Variants in SORCS3 observed in about 807,000 individuals in gnomAD.
SORCS3 encodes the protein VPS10 domain-containing receptor SorCS3.
A neutral mutation model predicts 146.3 loss-of-function variants in SORCS3; 57 were observed. The ratio of observed to expected loss-of-function variants is 0.39; its 90% CI spans 0.31 to 0.49. The LOEUF (loss-of-function observed/expected upper bound fraction) is 0.49. Ranked by LOEUF, SORCS3 falls within the 20% of genes least tolerant of loss-of-function variation. The pLI, the probability that SORCS3 is intolerant of heterozygous loss-of-function variation, is 0.92. For missense variants in SORCS3, 1,341 were observed against 1,575.5 expected, an observed-to-expected ratio of 0.85 and a Z score of 2.52; for synonymous variants, 653 against 618.5, an observed-to-expected ratio of 1.06 and a Z score of -0.83.
At chr10:104,957,880 CA>C (rs1459830842) in intron 3 of SORCS3, among the ~76,000 whole-genome samples, 1 of 151,970 alleles carries the variant, frequency 6.6e-6, no homozygotes, top group Non-Finnish European at 1.5e-5. Context: ...AGAAGGGAAG[CA>C]AAACCAAACA....
At chr10:105,216,430 C>T (rs949303531) in intron 18 of SORCS3, among the ~76,000 whole-genome samples, 1 of 152,090 alleles carries the variant, frequency 6.6e-6, no homozygotes, top group African/African-American at 2.4e-5. Context: ...GGAACCTGGT[C>T]TTCCTGTACT....
At chr10:105,053,062 G>A (rs2055423701) in intron 5 of SORCS3, among the ~76,000 whole-genome samples, 1 of 151,998 alleles carries the variant, frequency 6.6e-6, no homozygotes, top group South Asian at 2.1e-4. Flanking sequence ...GGTTGCAGAG[G>A]GCCACCTTCT....
At chr10:105,104,354 C>A (rs1284818519) in intron 6 of SORCS3, among the ~76,000 whole-genome samples, 1 of 152,054 alleles carries the variant, frequency 6.6e-6, no homozygotes, top group Non-Finnish European at 1.5e-5. Context: ...AGAGACTCAC[C>A]TGTAGTTTTT....
intron 5 of SORCS3, among the ~76,000 whole-genome samples, chr10:105,057,493 C>G (rs1474255270): frequency 6.6e-6 from 1 of 152,142 alleles, no homozygotes; most frequent in Non-Finnish European, 1.5e-5. Flanking sequence ...CTTTGCTAAA[C>G]TACCCAAACC....
intron 2 of SORCS3, among the ~76,000 whole-genome samples, chr10:104,881,036 T>C (rs759216072): frequency 6.6e-6 from 1 of 152,220 alleles, no homozygotes; most frequent in South Asian, 2.1e-4. Flanking sequence ...CTATGATTAT[T>C]TATTTGCTCC....
intron 3 of SORCS3, among the ~76,000 whole-genome samples, chr10:104,925,100 C>T (rs2019128513): frequency 6.6e-6 from 1 of 152,138 alleles, no homozygotes; most frequent in Non-Finnish European, 1.5e-5. Flanking sequence ...TGATGTTCCC[C>T]TCCCTGTGTT....
chr10:104,947,163 C>T lies in SORCS3; in HGVS notation c.796-30172C>T, dbSNP rs140507985. On this transcript the variant is annotated intron_variant, in intron 3 of 26. Coordinates refer to ENST00000369701, the MANE Select transcript of SORCS3 (RefSeq NM_014978.3). The stretch of plus-strand genomic sequence containing the variant: ...GCTCCATCAATTTTTCTTTGAGTCA[C>T]TTATAAAGAGCTCTTCCATTTCTCC... 3.7e-3 allele frequency among the ~76,000 whole-genome samples: 568 copies of T among 152,274 alleles called. 5 individuals carry two copies. Among genetic ancestry groups the T allele is most frequent in the African/African-American group, 0.013 (523 of 41,554 alleles).
At chr10:105,195,080 A>G (rs2056536710) in intron 14 of SORCS3, among the ~76,000 whole-genome samples, 1 of 152,274 alleles carries the variant, frequency 6.6e-6, no homozygotes, top group African/African-American at 2.4e-5. Context: ...TGAGAATTAT[A>G]GTATCCTTTT....
At chr10:105,087,487 G>GAAAAAAAAA (rs59554883) in intron 5 of SORCS3, among the ~76,000 whole-genome samples, 10 of 142,250 alleles carry the variant, frequency 7.0e-5, no homozygotes, top group Non-Finnish European at 1.2e-4. Context: ...TCTCTTCTGG[G>GAAAAAAAAA]AAAAAAAAAA....
chr10:105,210,891 A>C (rs1375373080), intron 16 of SORCS3, among the ~76,000 whole-genome samples: 1 of 152,148 alleles, frequency 6.6e-6, no homozygotes, highest in East Asian at 1.9e-4. Flanking sequence ...ACCTTTTTAA[A>C]CCTAGAATTT....
intron 6 of SORCS3, among the ~76,000 whole-genome samples, chr10:105,094,477 G>A (rs3850675): frequency 0.11 from 16,253 of 151,960 alleles, 981 homozygotes; most frequent in East Asian, 0.17. Context: ...TTATTCATTC[G>A]CTTACTTATG....
intron 1 of SORCS3, among the ~76,000 whole-genome samples, chr10:104,647,080 A>G (rs1198584812): frequency 6.6e-6 from 1 of 152,210 alleles, no homozygotes; most frequent in Non-Finnish European, 1.5e-5. Context: ...TGATTTCAGA[A>G]CTTGACAGCT....
At chr10:104,826,476 C>A (rs1286987925) in intron 1 of SORCS3, among the ~76,000 whole-genome samples, 1 of 152,212 alleles carries the variant, frequency 6.6e-6, no homozygotes, top group African/African-American at 2.4e-5. Flanking sequence ...TTGGTTGCCC[C>A]ATGCACATAA....
chr10:104,696,306 G>T lies in SORCS3; in HGVS notation c.627+54352G>T, dbSNP rs62646909. ...TATGATATATATCATATACACATAT[G>T]ATATATGATATATATCATATACACA... On this transcript the variant is annotated intron_variant, in intron 1 of 26. Transcript: ENST00000369701. Among the ~76,000 whole-genome samples, 25 of 5,136 alleles carry T rather than the reference G, an allele frequency of 4.9e-3. 10 individuals are homozygous for T. The highest frequency in any genetic ancestry group is 9.4e-3 in the Non-Finnish European group (16 of 1,696). The allele number at this position is 5,136 out of a possible 152,430, so 3.4% of individuals were successfully genotyped here.
At chr10:104,830,874 C>T (rs1042847193) in intron 1 of SORCS3, among the ~76,000 whole-genome samples, 6 of 152,076 alleles carry the variant, frequency 3.9e-5, no homozygotes, top group Admixed American at 2.6e-4. Context: ...TGCAGTGGTG[C>T]GAATGCAGCT....
At chr10:105,154,003 G>A (rs756874312) in intron 9 of SORCS3, among the ~76,000 whole-genome samples, 2 of 146,212 alleles carry the variant, frequency 1.4e-5, no homozygotes, top group Admixed American at 7.0e-5. Flanking sequence ...CCAGGAGGCA[G>A]AGGTTGCAAT....
intron 1 of SORCS3, among the ~76,000 whole-genome samples, chr10:104,816,481 A>C (rs1461064361): frequency 6.6e-6 from 1 of 152,208 alleles, no homozygotes; most frequent in Non-Finnish European, 1.5e-5. Flanking sequence ...AAGGAAAAAT[A>C]GAATGTGCCT....
chr10:104,784,825 G>A (rs892031285), intron 1 of SORCS3, among the ~76,000 whole-genome samples: 19 of 152,184 alleles, frequency 1.2e-4, no homozygotes, highest in African/African-American at 4.6e-4. Flanking sequence ...CTTGCCTCAA[G>A]CCTCTTTTCT....
chr10:104,993,039 A>C (rs1300415855), intron 4 of SORCS3, among the ~76,000 whole-genome samples: 1 of 152,184 alleles, frequency 6.6e-6, no homozygotes, highest in African/African-American at 2.4e-5. Flanking sequence ...AAACAGAATC[A>C]AAATTTTTGA....
Sources: allele counts gnomAD v4.1 joint callset (sites outside exome capture counted in the v4.1 genomes callset), GRCh38; gene constraint gnomAD v4.1.1; transcripts MANE v1.5; gene names NCBI Gene and HGNC (gene_info 2026-07-23, HGNC 2026-07-21).